MYO5B: variants seen among roughly 807,000 people sequenced by gnomAD.
MYO5B encodes unconventional myosin-Vb.
A neutral mutation model predicts 229.3 loss-of-function variants in MYO5B; 143 were observed. That is an observed-to-expected ratio of 0.62 (90% CI 0.54 to 0.72). The LOEUF (loss-of-function observed/expected upper bound fraction) is 0.72, where lower values mean the gene tolerates loss of function less well. Ranked by LOEUF, MYO5B falls within the 30% of genes least tolerant of loss-of-function variation. The probability of loss-of-function intolerance (pLI) is 0.00; values close to 1 mark genes in which losing one functional copy is unlikely to be tolerated. For missense variants in MYO5B, 2,321 were observed against 2,331.0 expected, an observed-to-expected ratio of 1.00 and a Z score of 0.09; for synonymous variants, 918 against 885.2, an observed-to-expected ratio of 1.04 and a Z score of -0.66.
Position 50,036,894 on chromosome 18 carries a change from G to C in MYO5B, c.411C>G (p.Pro137=). 6.2e-7 allele frequency: 1 copy of C among 1,614,080 alleles called. No homozygotes were observed. Among genetic ancestry groups the C allele is most frequent in the Non-Finnish European group, 8.5e-7 (1 of 1,180,004 alleles). ...YSGQNMGDMD[P]HIFAVAEEAY... is the part of the protein sequence containing the mutation. The stretch of plus-strand genomic sequence containing the variant: ...CTTCTTCTGCCACAGCAAAGATGTG[G>C]GGGTCCATGTCTCCCATGTTTTGGC... Residue 137 remains proline (P), a synonymous_variant, in exon 4 of 40, where the codon CCC becomes CCG. Transcript: ENST00000285039.
chr18:50,110,844 A>G (rs368450369), intron 1 of MYO5B, among the ~76,000 whole-genome samples: 1 of 152,198 alleles, frequency 6.6e-6, no homozygotes, highest in Non-Finnish European at 1.5e-5. Context: ...AGAAGCATAA[A>G]AATTAGATAA....
chr18:49,849,706 G>A (rs369357616), intron 31 of MYO5B, 46 bp from the exon 32 acceptor site: 3 of 1,452,554 alleles, frequency 2.1e-6, no homozygotes, highest in Non-Finnish European at 2.9e-6. Flanking sequence ...AGCCCGGCCT[G>A]GGATGGTGGG....
At chr18:50,154,311 A>G (rs2144309317) in intron 1 of MYO5B, among the ~76,000 whole-genome samples, 1 of 152,330 alleles carries the variant, frequency 6.6e-6, no homozygotes, top group Admixed American at 6.5e-5. Context: ...CCACCCAAAA[A>G]AGTCAATGAC....
chr18:50,174,743 G>A (rs185487598), intron 1 of MYO5B, among the ~76,000 whole-genome samples: 2 of 152,302 alleles, frequency 1.3e-5, no homozygotes, highest in African/African-American at 4.8e-5. Flanking sequence ...GTAATATACA[G>A]GTACTGATGC....
intron 18 of MYO5B, among the ~76,000 whole-genome samples, chr18:49,910,386 C>T (rs2024944704): frequency 6.6e-6 from 1 of 152,160 alleles, no homozygotes; most frequent in Admixed American, 6.5e-5. Context: ...AGCCACATGG[C>T]AGAGTGGGCT....
chr18:49,992,133 A>G (rs1254645557), intron 6 of MYO5B, among the ~76,000 whole-genome samples, 155 bp downstream of exon 6: 3 of 152,222 alleles, frequency 2.0e-5, no homozygotes, highest in Admixed American at 6.5e-5. Flanking sequence ...CTGAATGAAC[A>G]CTTACTGATA....
intron 2 of MYO5B, among the ~76,000 whole-genome samples, chr18:50,049,940 C>T (rs967955350): frequency 2.0e-5 from 3 of 152,188 alleles, no homozygotes; most frequent in Admixed American, 6.5e-5. Flanking sequence ...GAACTGTACA[C>T]TTAAACATAG....
rs138491452 is a variant in MYO5B at position 49,999,454 on chromosome 18, T to C, written c.612+1801A>G. On this transcript the variant is annotated intron_variant, in intron 5 of 39. Transcript: ENST00000285039. The stretch of plus-strand genomic sequence containing the variant: ...AATGCTGGAGTAAATATGCTACCAA[T>C]GAAATGTCAGAAAAGAAGGAGTCAA... Among the ~76,000 whole-genome samples, 746 of 152,310 alleles carry C rather than the reference T, an allele frequency of 4.9e-3. 14 individuals carry two copies. The highest frequency in any genetic ancestry group is 4.4e-3 in the East Asian group (23 of 5,188).
chr18:49,895,260 A>G, intron 21 of MYO5B, 86 bp from the exon 22 acceptor site: 1 of 1,153,070 alleles, frequency 8.7e-7, no homozygotes, highest in Non-Finnish European at 1.3e-6. Context: ...CATGAAGGCA[A>G]TCAAAAAAGG....
intron 1 of MYO5B, among the ~76,000 whole-genome samples, chr18:50,107,116 T>C (rs1440345678): frequency 2.5e-4 from 23 of 91,476 alleles, no homozygotes; most frequent in African/African-American, 4.6e-4. Context: ...TGCCTTTTTT[T>C]TTTTTTTTTT....
At chr18:50,053,472 A>T (rs2030457976) in intron 2 of MYO5B, among the ~76,000 whole-genome samples, 1 of 152,202 alleles carries the variant, frequency 6.6e-6, no homozygotes, top group African/African-American at 2.4e-5. Flanking sequence ...CTGAAACGAA[A>T]TCTGCTGGAG....
chr18:50,002,400 C>T (rs986103419), intron 4 of MYO5B, among the ~76,000 whole-genome samples: 2 of 152,002 alleles, frequency 1.3e-5, no homozygotes, highest in Middle Eastern at 3.2e-3. Flanking sequence ...CTTTAAAACA[C>T]GTAGTAGGAA....
At chr18:50,091,509 A>T (rs2031447587) in intron 1 of MYO5B, among the ~76,000 whole-genome samples, 1 of 152,202 alleles carries the variant, frequency 6.6e-6, no homozygotes, top group African/African-American at 2.4e-5. Flanking sequence ...GAATCCTTAC[A>T]ACCATCCTAT....
At chr18:50,158,034 G>C (rs2032709091) in intron 1 of MYO5B, among the ~76,000 whole-genome samples, 1 of 152,176 alleles carries the variant, frequency 6.6e-6, no homozygotes, top group African/African-American at 2.4e-5. Flanking sequence ...TTTATGGGTG[G>C]AAGCAGAGGA....
chr18:49,835,334 T>C lies in MYO5B; in HGVS notation c.5394+10A>G. The stretch of plus-strand genomic sequence containing the variant: ...ACTGGACTTTATAAAATTACTATCT[T>C]AAAACTCACCTGGATTGTTCGTATA... On this transcript the variant is annotated intron_variant, in intron 39 of 39. Transcript: ENST00000285039. 6.3e-7 allele frequency: 1 copy of C among 1,598,278 alleles called. No individual in the cohort carries two copies. The highest frequency in any genetic ancestry group is 8.6e-7 in the Non-Finnish European group (1 of 1,167,288).
chr18:49,983,887 T>C (rs921553850), intron 8 of MYO5B, among the ~76,000 whole-genome samples: 8 of 152,164 alleles, frequency 5.3e-5, no homozygotes, highest in African/African-American at 1.9e-4. Context: ...ATTTGGACAT[T>C]GGCTACAACT....
chr18:49,954,957 C>T (rs1284773720), intron 12 of MYO5B, among the ~76,000 whole-genome samples: 1 of 152,218 alleles, frequency 6.6e-6, no homozygotes, highest in Non-Finnish European at 1.5e-5. Context: ...TCTCACTTCC[C>T]TCTTCTTTGG....
At chr18:50,063,820 T>C (rs2030751208) in intron 1 of MYO5B, 1 of 152,264 alleles carries the variant, frequency 6.6e-6, no homozygotes, top group Non-Finnish European at 1.5e-5. Context: ...TCACACATTC[T>C]ATATCTATAT....
At chr18:50,109,842 A>G (rs2031833712) in intron 1 of MYO5B, among the ~76,000 whole-genome samples, 1 of 152,148 alleles carries the variant, frequency 6.6e-6, no homozygotes, top group Non-Finnish European at 1.5e-5. Flanking sequence ...TCCATACTAC[A>G]ACATAAACAC....
Sources: gnomAD v4.1 joint callset for allele counts (sites outside exome capture counted in the v4.1 genomes callset) on GRCh38, gnomAD v4.1.1 for gene constraint, MANE v1.5 for transcripts, NCBI Gene and HGNC (gene_info 2026-07-23, HGNC 2026-07-21) for gene names.